SPAG1: variants seen among roughly 807,000 people sequenced by gnomAD.
The protein encoded by SPAG1 is sperm-associated antigen 1.
Under a neutral mutation model 100.5 loss-of-function variants are expected in SPAG1, and 69 were observed. The ratio of observed to expected loss-of-function variants is 0.69; its 90% CI spans 0.57 to 0.84. The LOEUF (loss-of-function observed/expected upper bound fraction) is 0.84, where lower values mean the gene tolerates loss of function less well. Ranked by LOEUF, SPAG1 falls within the 40% of genes least tolerant of loss-of-function variation. SPAG1 has a pLI of 0.00. For synonymous variants in SPAG1, 336 were observed against 411.6 expected, an observed-to-expected ratio of 0.82 and a Z score of 2.22; for missense variants, 955 against 1,133.1, an observed-to-expected ratio of 0.84 and a Z score of 2.26.
intron 2 of SPAG1, among the ~76,000 whole-genome samples, chr8:100,162,981 A>C (rs1243086497): frequency 6.6e-6 from 1 of 151,946 alleles, no homozygotes; most frequent in Non-Finnish European, 1.5e-5. Context: ...ATAATAAAAA[A>C]AATAAAAAAA....
chr8:100,176,361 T>C (rs903961780), intron 3 of SPAG1, among the ~76,000 whole-genome samples: 10 of 152,080 alleles, frequency 6.6e-5, no homozygotes, highest in African/African-American at 1.4e-4. Flanking sequence ...TTCTTTTTTT[T>C]TTTCTTTCTT....
chr8:100,202,090 T>G (rs1332370557), intron 10 of SPAG1, among the ~76,000 whole-genome samples: 1 of 152,114 alleles, frequency 6.6e-6, no homozygotes, highest in Non-Finnish European at 1.5e-5. Flanking sequence ...TGACACTATC[T>G]CCAGGTATAT....
intron 7 of SPAG1, 58 bp downstream of exon 7, chr8:100,184,791 T>C: frequency 2.1e-6 from 2 of 955,994 alleles, no homozygotes; most frequent in Non-Finnish European, 3.2e-6. Context: ...AATGTTTTAA[T>C]TGTTGAAACA....
At chr8:100,221,577 T>C (rs1818282874) in intron 13 of SPAG1, among the ~76,000 whole-genome samples, 1 of 151,968 alleles carries the variant, frequency 6.6e-6, no homozygotes, top group Non-Finnish European at 1.5e-5. Flanking sequence ...CTTGATCCTC[T>C]CAAAAAAGAA....
rs76580099 is a variant in SPAG1, at chr8:100,174,708, T to C, written c.301-3108T>C. On this transcript the variant is annotated intron_variant, in intron 3 of 18. Transcript: ENST00000388798. ...CTAATGTTAGTTTATTTTCTGGCAT[T>C]GCTTCTTCTATGTCTTCTCATTGTC... Among the ~76,000 whole-genome samples, 961 of 152,322 alleles carry C rather than the reference T, an allele frequency of 6.3e-3. 10 individuals are homozygous for C. The highest frequency in any genetic ancestry group is 0.021 in the African/African-American group (882 of 41,568).
At chr8:100,171,638 G>C (rs1038886525) in intron 3 of SPAG1, among the ~76,000 whole-genome samples, 1 of 152,040 alleles carries the variant, frequency 6.6e-6, no homozygotes, top group Non-Finnish European at 1.5e-5. Flanking sequence ...AACTTTGTCT[G>C]CTGAATTCAG....
intron 2 of SPAG1, among the ~76,000 whole-genome samples, chr8:100,162,884 G>C (rs1339367625): frequency 6.6e-6 from 1 of 151,974 alleles, no homozygotes; most frequent in African/African-American, 2.4e-5. Context: ...GGATTGCTTG[G>C]GCCTTGGAGG....
At chr8:100,164,467 C>G (rs966534655) in intron 2 of SPAG1, among the ~76,000 whole-genome samples, 1 of 152,132 alleles carries the variant, frequency 6.6e-6, no homozygotes, top group Non-Finnish European at 1.5e-5. Context: ...CTCTGTCACC[C>G]AGGCTGGAGT....
At chr8:100,196,259 T>C (rs115161265) in intron 10 of SPAG1, among the ~76,000 whole-genome samples, 195 of 152,364 alleles carry the variant, frequency 1.3e-3, no homozygotes, top group African/African-American at 4.3e-3. Context: ...TGCTGGGTCA[T>C]ACGGCAAGTA....
At chr8:100,230,015 A>G (rs1356716456) in intron 14 of SPAG1, among the ~76,000 whole-genome samples, 1 of 152,212 alleles carries the variant, frequency 6.6e-6, no homozygotes, top group Non-Finnish European at 1.5e-5. Context: ...CAGGAAAGAA[A>G]AAGATTTATT....
intron 1 of SPAG1, among the ~76,000 whole-genome samples, chr8:100,159,392 T>C (rs1337454921): frequency 6.6e-6 from 1 of 152,210 alleles, no homozygotes; most frequent in Non-Finnish European, 1.5e-5. Flanking sequence ...AGAACTGTCA[T>C]CTATATCATA....
intron 12 of SPAG1, among the ~76,000 whole-genome samples, chr8:100,218,457 C>G (rs1818111582): frequency 6.6e-6 from 1 of 152,214 alleles, no homozygotes; most frequent in South Asian, 2.1e-4. Context: ...GGTTGTGACT[C>G]TGCTCATAGA....
intron 15 of SPAG1, among the ~76,000 whole-genome samples, chr8:100,231,946 A>G (rs1456082342): frequency 6.7e-6 from 1 of 148,464 alleles, no homozygotes; most frequent in Non-Finnish European, 1.5e-5. Context: ...TGGGTGAAAG[A>G]GCAAGACTCT....
chr8:100,202,576 A>G (rs1284496573), intron 10 of SPAG1, among the ~76,000 whole-genome samples: 1 of 150,334 alleles, frequency 6.7e-6, no homozygotes, highest in Non-Finnish European at 1.5e-5. Context: ...CGGGCGTGGT[A>G]GCGGGCGCCT....
chr8:100,213,988 A>T, intron 12 of SPAG1, 70 bp downstream of exon 12: 1 of 872,054 alleles, frequency 1.1e-6, no homozygotes, highest in Non-Finnish European at 1.8e-6. Context: ...AATATCCAAG[A>T]TCCTAAATTT....
chr8:100,216,563 C>T (rs11784839), intron 12 of SPAG1, among the ~76,000 whole-genome samples: 26,448 of 152,006 alleles, frequency 0.17, 2,495 homozygotes, highest in South Asian at 0.23. Flanking sequence ...AAGTGGGCGT[C>T]GGTTTAGGTA....
chr8:100,217,151 GGC>G (rs1233683673), intron 12 of SPAG1, among the ~76,000 whole-genome samples: 2 of 151,794 alleles, frequency 1.3e-5, no homozygotes, highest in Non-Finnish European at 2.9e-5. Flanking sequence ...CTGCAGGCCA[GGC>G]TGGTCTTGAA....
intron 13 of SPAG1, among the ~76,000 whole-genome samples, chr8:100,223,331 T>C (rs888325766): frequency 3.3e-5 from 5 of 152,206 alleles, no homozygotes; most frequent in Admixed American, 1.3e-4. Flanking sequence ...TTTTTGAAGA[T>C]TGTATTATAT....
At chr8:100,216,184 C>T (rs574155261) in intron 12 of SPAG1, among the ~76,000 whole-genome samples, 1 of 152,270 alleles carries the variant, frequency 6.6e-6, no homozygotes, top group East Asian at 1.9e-4. Flanking sequence ...GTGCTCCTAA[C>T]AGACCAGACC....
Sources: gnomAD v4.1 joint callset for allele counts (sites outside exome capture counted in the v4.1 genomes callset) on GRCh38, gnomAD v4.1.1 for gene constraint, MANE v1.5 for transcripts, NCBI Gene and HGNC (gene_info 2026-07-23, HGNC 2026-07-21) for gene names.